The following CMTM4 variants were observed in gnomAD, a reference collection of about 807,000 sequenced individuals.
CMTM4 encodes CKLF-like MARVEL transmembrane domain-containing protein 4.
In CMTM4, 8 loss-of-function variants were observed where a neutral mutation model predicts 19.0. That is an observed-to-expected ratio of 0.42 (90% confidence interval 0.25 to 0.76). The LOEUF (loss-of-function observed/expected upper bound fraction) is 0.76, where lower values mean the gene tolerates loss of function less well. Among genes scored for constraint, CMTM4 ranks in the 30% least tolerant of loss-of-function variants. The probability of loss-of-function intolerance (pLI) is 0.27; values close to 1 mark genes in which losing one functional copy is unlikely to be tolerated. For missense variants in CMTM4, 228 were observed against 290.2 expected (o/e 0.79, Z 1.56); for synonymous variants, 106 against 121.1 (o/e 0.88, Z 0.82).
At chr16:66,683,201 A>ATG (rs1289188916) in intron 1 of CMTM4, among the ~76,000 whole-genome samples, 1 of 133,796 alleles carries the variant, frequency 7.5e-6, no homozygotes, top group East Asian at 2.1e-4. Flanking sequence ...ATACATATAT[A>ATG]TATATATATA....
At chr16:66,604,835 G>A in the CMTM4 span, 58 of 1,327,862 alleles carry the variant, frequency 4.4e-5, no homozygotes, top group African/African-American at 7.3e-4. Flanking sequence ...ACCCCGACCC[G>A]GACCCCGAGC....
chr16:66,661,416 T>C (rs1178594838), intron 1 of CMTM4, among the ~76,000 whole-genome samples: 1 of 152,182 alleles, frequency 6.6e-6, no homozygotes, highest in East Asian at 1.9e-4. Context: ...TAAACGCTTG[T>C]CAGTTAAGGA....
intron 1 of CMTM4, among the ~76,000 whole-genome samples, chr16:66,663,997 C>G (rs2016547431): frequency 6.6e-6 from 1 of 152,146 alleles, no homozygotes; most frequent in Non-Finnish European, 1.5e-5. Context: ...CTTTGGGAGG[C>G]TGAGGCAGGC....
At chr16:66,664,606 T>C (rs535799467) in intron 1 of CMTM4, among the ~76,000 whole-genome samples, 11 of 152,042 alleles carry the variant, frequency 7.2e-5, no homozygotes, top group Non-Finnish European at 1.3e-4. Context: ...ACAATATTAA[T>C]GTTATAATTA....
At chr16:66,601,107 C>G in the CMTM4 span, among the ~76,000 whole-genome samples, 94 of 143,008 alleles carry the variant, frequency 6.6e-4, no homozygotes, top group South Asian at 0.011. Context: ...GTGTGTGTGT[C>G]TGTGTGTGTG....
chr16:66,609,677 A>G, the CMTM4 span: 2 of 1,538,272 alleles, frequency 1.3e-6, no homozygotes, highest in Non-Finnish European at 1.8e-6. The surrounding 1 kb of genome is among the most constrained non-coding windows in gnomAD (Gnocchi z 4.4). Flanking sequence ...CCTCTCATTA[A>G]AGACTGACTC....
chr16:66,612,771 C>A, downstream of CMTM4: 1 of 856,074 alleles, frequency 1.2e-6, no homozygotes, highest in Non-Finnish European at 1.8e-6. The surrounding 1 kb of genome is among the most constrained non-coding windows in gnomAD (Gnocchi z 6.0). Flanking sequence ...AGGCCCCCTA[C>A]AGCCTCAGGT....
At chr16:66,633,873 T>C (rs949225740) in intron 2 of CMTM4, among the ~76,000 whole-genome samples, 8 of 151,704 alleles carry the variant, frequency 5.3e-5, no homozygotes, top group African/African-American at 1.9e-4. Flanking sequence ...ATATGCCCTT[T>C]TGTTGGGCAA....
At chr16:66,680,222 T>C (rs1002502584) in intron 1 of CMTM4, among the ~76,000 whole-genome samples, 2 of 152,176 alleles carry the variant, frequency 1.3e-5, no homozygotes, top group Non-Finnish European at 2.9e-5. Context: ...CTCATGCCTA[T>C]AATCTCAGCA....
At chr16:66,609,335 T>A in the CMTM4 span, 1 of 1,003,126 alleles carries the variant, frequency 1.0e-6, no homozygotes, top group South Asian at 1.4e-5. The surrounding 1 kb of genome is among the most constrained non-coding windows in gnomAD (Gnocchi z 4.4). Context: ...AGCCCTCAGG[T>A]GCTAGGCCTG....
chr16:66,657,971 A>G (rs2016428549), intron 1 of CMTM4, among the ~76,000 whole-genome samples: 1 of 152,212 alleles, frequency 6.6e-6, no homozygotes, highest in Non-Finnish European at 1.5e-5. Context: ...CTATAATCCC[A>G]GCACTTTGGG....
chr16:66,604,949 G>C, the CMTM4 span: 9 of 1,505,412 alleles, frequency 6.0e-6, no homozygotes, highest in Non-Finnish European at 7.9e-6. Context: ...TGCTGGCCGA[G>C]TCGGTGAGTG....
In CMTM4 at chr16:66,677,059, G is replaced by A. The variant is rs140790498; in HGVS notation, c.186+19281C>T. Among the ~76,000 whole-genome samples the A allele has an allele frequency of 2.5e-3, 379 of 152,226 alleles. 3 individuals carry two copies. The highest frequency in any genetic ancestry group is 8.7e-3 in the African/African-American group (363 of 41,550). On this transcript the variant is annotated intron_variant, in intron 1 of 3. Transcript: ENST00000394106. ...AGTTCAAGAGCAGCTGAGGCAACAT[G>A]TTAAGACCCTGTCTCTACAAAACAC...
chr16:66,681,688 T>C (rs1374824560), intron 1 of CMTM4, among the ~76,000 whole-genome samples: 1 of 152,182 alleles, frequency 6.6e-6, no homozygotes, highest in Non-Finnish European at 1.5e-5. Flanking sequence ...AAGCGCTCAA[T>C]AGCCACAGTT....
intron 1 of CMTM4, among the ~76,000 whole-genome samples, chr16:66,653,304 A>G (rs1192373060): frequency 6.6e-6 from 1 of 152,200 alleles, no homozygotes; most frequent in Non-Finnish European, 1.5e-5. Flanking sequence ...TGAACTGCAT[A>G]TCATACATAA....
chr16:66,681,181 G>A (rs575737282), intron 1 of CMTM4, among the ~76,000 whole-genome samples: 1 of 152,194 alleles, frequency 6.6e-6, no homozygotes, highest in Non-Finnish European at 1.5e-5. Context: ...CTTGAGGCCA[G>A]GAGTTCCAGA....
At chr16:66,683,767 T>C (rs759644927) in intron 1 of CMTM4, among the ~76,000 whole-genome samples, 1 of 150,744 alleles carries the variant, frequency 6.6e-6, no homozygotes. Context: ...CAGGGGTCAA[T>C]AGTAAGGCAG....
At chr16:66,623,603 T>C in intron 2 of CMTM4, 101 bp from the exon 3 acceptor site, 1 of 692,300 alleles carries the variant, frequency 1.4e-6, no homozygotes, top group Non-Finnish European at 2.4e-6. Context: ...ATACCCAACC[T>C]CCCTGGTGGC....
the CMTM4 span, among the ~76,000 whole-genome samples, chr16:66,602,478 G>A: frequency 6.6e-6 from 1 of 152,038 alleles, no homozygotes; most frequent in African/African-American, 2.4e-5. Context: ...CTATACCCAA[G>A]GGTAAAAAAA....
Sources: gnomAD v4.1 joint callset for allele counts (sites outside exome capture counted in the v4.1 genomes callset) on GRCh38, gnomAD v4.1.1 for gene constraint, Gnocchi (gnomAD v3.1) non-coding constraint, MANE v1.5 for transcripts, NCBI Gene and HGNC (gene_info 2026-07-23, HGNC 2026-07-21) for gene names.